The following CTNNA3 variants were observed in gnomAD, a reference collection of about 807,000 sequenced individuals.
CTNNA3 encodes catenin alpha 3, also known as catenin alpha-3.
CTNNA3 carries 76 observed loss-of-function variants against 95.7 expected under a neutral mutation model. The ratio of observed to expected loss-of-function variants is 0.79; its 90% CI spans 0.66 to 0.96. The LOEUF is 0.96. CTNNA3 is among the 40% of genes least tolerant of loss of function. The pLI, the probability that CTNNA3 is intolerant of heterozygous loss-of-function variation, is 0.00. For synonymous variants in CTNNA3, 431 were observed against 374.4 expected, an observed-to-expected ratio of 1.15 and a Z score of -1.74; for missense variants, 1,191 against 1,089.8, an observed-to-expected ratio of 1.09 and a Z score of -1.31.
intron 5 of CTNNA3, among the ~76,000 whole-genome samples, chr10:67,235,039 C>T (rs1344364454): frequency 1.3e-5 from 2 of 150,964 alleles, no homozygotes; most frequent in Non-Finnish European, 3.0e-5. Flanking sequence ...GAAGAACATT[C>T]CATGCTCATG....
intron 14 of CTNNA3, among the ~76,000 whole-genome samples, chr10:66,088,572 T>G (rs569001479): frequency 6.6e-6 from 1 of 151,444 alleles, no homozygotes; most frequent in East Asian, 1.9e-4. Context: ...TCTCCAAATG[T>G]ATCTGGGCAA....
At chr10:67,703,043 C>T (rs372853297) in intron 1 of CTNNA3, among the ~76,000 whole-genome samples, 1 of 152,148 alleles carries the variant, frequency 6.6e-6, no homozygotes, top group Non-Finnish European at 1.5e-5. Context: ...GGATAAATTC[C>T]TTGACATATA....
At chr10:67,105,757 AATT>A (rs1858598673) in intron 7 of CTNNA3, among the ~76,000 whole-genome samples, 2 of 152,166 alleles carry the variant, frequency 1.3e-5, no homozygotes, top group African/African-American at 2.4e-5. Context: ...AAATTAAGAA[AATT>A]ATTGCCTTGA....
At chr10:66,188,671 C>T (rs2086476288) in intron 13 of CTNNA3, among the ~76,000 whole-genome samples, 1 of 147,310 alleles carries the variant, frequency 6.8e-6, no homozygotes, top group Admixed American at 6.9e-5. Context: ...GGTAACAATA[C>T]TTTGCTTCCA....
chr10:66,407,599 G>T (rs541313068), intron 11 of CTNNA3, among the ~76,000 whole-genome samples: 2,008 of 138,478 alleles, frequency 0.015, 59 homozygotes, highest in African/African-American at 0.053. Context: ...TTTTTTTTTT[G>T]AGACAGAGTC....
At chr10:66,124,740 G>A (rs749173916) in intron 13 of CTNNA3, among the ~76,000 whole-genome samples, 2 of 152,202 alleles carry the variant, frequency 1.3e-5, no homozygotes, top group African/African-American at 2.4e-5. Flanking sequence ...CAGGCAAAGA[G>A]AGACAGCTTG....
intron 17 of CTNNA3, among the ~76,000 whole-genome samples, chr10:65,922,513 A>G (rs2077103622): frequency 6.6e-6 from 1 of 152,210 alleles, no homozygotes; most frequent in Admixed American, 6.5e-5. Context: ...CCTGGGTCTC[A>G]ATACACATAT....
At chr10:66,821,587 A>T (rs961255943) in intron 7 of CTNNA3, among the ~76,000 whole-genome samples, 1 of 152,186 alleles carries the variant, frequency 6.6e-6, no homozygotes, top group Non-Finnish European at 1.5e-5. Context: ...CATACAAAAG[A>T]GCACTATCCA....
intron 13 of CTNNA3, among the ~76,000 whole-genome samples, chr10:66,188,638 T>C (rs2086474975): frequency 7.1e-6 from 1 of 140,892 alleles, no homozygotes; most frequent in Non-Finnish European, 1.6e-5. Context: ...TGTGCCACAA[T>C]TTATTTTCCC....
chr10:66,478,546 T>C (rs1839405607), intron 11 of CTNNA3, among the ~76,000 whole-genome samples: 1 of 151,882 alleles, frequency 6.6e-6, no homozygotes. Flanking sequence ...TTTCACTGTA[T>C]GAAATTTAAA....
At chr10:67,393,117 A>G (rs2132778317) in intron 5 of CTNNA3, among the ~76,000 whole-genome samples, 1 of 152,230 alleles carries the variant, frequency 6.6e-6, no homozygotes, top group Non-Finnish European at 1.5e-5. Flanking sequence ...GACAGGGAGG[A>G]AGATTTACCT....
chr10:66,685,299 G>A (rs1417451499), intron 9 of CTNNA3, among the ~76,000 whole-genome samples: 4,316 of 80,670 alleles, frequency 0.054, 269 homozygotes, highest in African/African-American at 0.11. Context: ...ATATATGTGT[G>A]TATATATATG....
intron 1 of CTNNA3, among the ~76,000 whole-genome samples, chr10:67,652,150 C>T (rs1839894973): frequency 6.6e-6 from 1 of 152,230 alleles, no homozygotes; most frequent in African/African-American, 2.4e-5. Context: ...TAGCAGAACA[C>T]ATCATGTCTC....
intron 13 of CTNNA3, among the ~76,000 whole-genome samples, chr10:66,154,640 T>C (rs561839753): frequency 2.4e-4 from 36 of 147,606 alleles, no homozygotes; most frequent in Admixed American, 1.2e-3. Flanking sequence ...AGGCAAGTGA[T>C]AGTATATTTC....
intron 7 of CTNNA3, among the ~76,000 whole-genome samples, chr10:67,139,914 G>A (rs1252429099): frequency 6.6e-6 from 1 of 152,174 alleles, no homozygotes; most frequent in African/African-American, 2.4e-5. Flanking sequence ...GGAAATCTCT[G>A]AGAAGTATTA....
chr10:67,133,241 G>A (rs1484689345), intron 7 of CTNNA3, among the ~76,000 whole-genome samples: 1 of 146,244 alleles, frequency 6.8e-6, no homozygotes, highest in African/African-American at 2.5e-5. Flanking sequence ...AGCAAGGAAA[G>A]GATATATATA....
At chr10:67,278,363 T>C (rs1489538798) in intron 5 of CTNNA3, among the ~76,000 whole-genome samples, 2 of 152,118 alleles carry the variant, frequency 1.3e-5, no homozygotes, top group Non-Finnish European at 2.9e-5. Flanking sequence ...GTTTTATATA[T>C]TTTGGGGAGG....
intron 9 of CTNNA3, among the ~76,000 whole-genome samples, chr10:66,745,859 A>G (rs1168333183): frequency 1.3e-5 from 2 of 151,262 alleles, no homozygotes; most frequent in Non-Finnish European, 2.9e-5. Flanking sequence ...TTGGCCTCCC[A>G]AAGTGCTGGG....
intron 5 of CTNNA3, among the ~76,000 whole-genome samples, chr10:67,324,775 C>T (rs1166168730): frequency 6.6e-6 from 1 of 151,754 alleles, no homozygotes; most frequent in African/African-American, 2.4e-5. Flanking sequence ...GAAAGAAGAC[C>T]CTCCTTCTCA....
Sources: allele counts gnomAD v4.1 joint callset (sites outside exome capture counted in the v4.1 genomes callset), GRCh38; gene constraint gnomAD v4.1.1; transcripts MANE v1.5; gene names NCBI Gene and HGNC (gene_info 2026-07-23, HGNC 2026-07-21).